Variants in ETV3 observed in about 807,000 individuals in gnomAD.
ETV3 encodes the protein ETS variant transcription factor 3, also known as ETS translocation variant 3.
A neutral mutation model predicts 33.0 loss-of-function variants in ETV3; 8 were observed. The observed-to-expected ratio is 0.24, with a 90% confidence interval of 0.14 to 0.44. The LOEUF (loss-of-function observed/expected upper bound fraction) is 0.44. Among genes scored for constraint, ETV3 ranks in the 20% least tolerant of loss-of-function variants. The pLI, the probability that ETV3 is intolerant of heterozygous loss-of-function variation, is 1.00. For synonymous variants in ETV3, 222 were observed against 238.9 expected (o/e 0.93, Z 0.65); for missense variants, 473 against 652.3 (o/e 0.73, Z 2.99).
chr1:157,126,650 G>A (rs190970616), intron 4 of ETV3, among the ~76,000 whole-genome samples: 11 of 152,356 alleles, frequency 7.2e-5, no homozygotes, highest in Non-Finnish European at 1.3e-4. Flanking sequence ...ATTTCGAGAT[G>A]GGATATGGGG....
chr1:157,138,057 G>A (rs1358221785), intron 1 of ETV3, among the ~76,000 whole-genome samples: 1 of 152,176 alleles, frequency 6.6e-6, no homozygotes, highest in Admixed American at 6.5e-5. Context: ...GAACCTCCTT[G>A]CCATTCACCT....
chr1:157,136,471 T>C lies in ETV3; in HGVS notation c.-13-106A>G, dbSNP rs575390147. The C allele has an allele frequency of 3.1e-6, 3 of 982,042 alleles. No homozygotes were observed. In the East Asian group the frequency reaches 7.7e-5, roughly 25 times the overall value. 60.8% of individuals were successfully genotyped at this position (982,042 alleles called of 1,614,324 possible). A position where few individuals can be genotyped will look rare whatever the true frequency, so the allele number is the denominator to read the frequency against. ...CAAACTTCCTTTCCCCTGTTCTTCT[T>C]TCCGTATGCAACTCTCTTTCTTTCA... On this transcript the variant is annotated intron_variant, in intron 1 of 4. Coordinates refer to ENST00000368192, the MANE Select transcript of ETV3 (RefSeq NM_001145312.3).
At position 157,125,135 on chromosome 1, in the gene ETV3, A is replaced by G. The variant is rs1310519546; in HGVS notation, c.1245T>C (p.Ile415=). 6.5e-7 allele frequency: 1 copy of G among 1,549,886 alleles called. No individual in the cohort carries two copies. The highest frequency in any genetic ancestry group is 1.2e-5 in the South Asian group (1 of 83,838). The stretch of plus-strand genomic sequence containing the variant: ...CAAAGATGGTGCCTTTTTCCTCTTC[A>G]ATGGTCCTGCTTGGCACAGTGCCCT... ...QEEGTVPSRT[I]EEEKGTIFAR... is the part of the protein sequence containing the mutation. Residue 415 remains isoleucine, a synonymous_variant, in exon 5 of 5, where the codon ATT becomes ATC. Transcript: ENST00000368192. The surrounding 1 kb of genome is among the most constrained non-coding windows in gnomAD (Gnocchi z 4.0).
Position 157,134,201 on chromosome 1 carries a change from T to C in ETV3, c.311A>G (p.His104Arg). ...GGTAAATCTTTTCCCTTTTGTTTTA[T>C]GAAGGATCCTCTTGTTGTAATAGTA... is the stretch of plus-strand genomic sequence containing the variant. ...LRYYYNKRIL[H>R]KTKGKRFTYK... is the part of the protein sequence containing the mutation. Residue 104 changes from histidine to arginine, a missense_variant, in exon 4 of 5, where the codon CAT becomes CGT. Physicochemically the swap from His to Arg is conservative, Grantham distance 29. Coordinates refer to ENST00000368192, the MANE Select transcript of ETV3 (RefSeq NM_001145312.3). 1.9e-6 allele frequency: 3 copies of C among 1,613,700 alleles called. No homozygotes were observed. The highest frequency in any genetic ancestry group is 2.5e-6 in the Non-Finnish European group (3 of 1,179,818).
chr1:157,135,504 T>C lies in ETV3; in HGVS notation c.251A>G (p.Gln84Arg), dbSNP rs1171316915. 1 of 1,614,072 alleles carries C rather than the reference T, an allele frequency of 6.2e-7. No homozygotes were observed. Among genetic ancestry groups the C allele is most frequent in the Admixed American group, 1.7e-5 (1 of 60,020 alleles). ...CCGGCTCAGCTTGTCATAATTCATCTGTGGTTTGCATTTCCTGCGGCCCCA... is the reference window on the plus strand; with the variant it reads ...CCGGCTCAGCTTGTCATAATTCATCCGTGGTTTGCATTTCCTGCGGCCCCA... Reference protein sequence around the residue: ...RLWGRRKCKPQMNYDKLSRAL... With the variant: ...RLWGRRKCKPRMNYDKLSRAL... Residue 84 changes from glutamine to arginine, a missense_variant, in exon 3 of 5, where the codon CAG becomes CGG. By Grantham distance (43) the Gln-to-Arg change is conservative. Around this residue, in one of 3 missense-constraint regions of ETV3, gnomAD observed 30 missense variants for 94.9 expected, o/e 0.32. Transcript: ENST00000368192.
Position 157,125,071 on chromosome 1 carries a change from T to G in ETV3, c.1309A>C (p.Ile437Leu). Residue 437 changes from isoleucine to leucine, a missense_variant, in exon 5 of 5, where the codon ATT becomes CTT. Physicochemically the swap from Ile to Leu is conservative, Grantham distance 5. This residue lies in a region of ETV3 where 410 missense variants were observed against 520.2 expected (regional missense o/e 0.79). Transcript: ENST00000368192. The surrounding 1 kb of genome is among the most constrained non-coding windows in gnomAD (Gnocchi z 4.0). The stretch of plus-strand genomic sequence containing the variant: ...AGAGGTTCTCCACTTGGGGTGCTAA[T>G]GGGCACAGAGGGCCAGATGGGTGGT... Reference protein sequence around the residue: ...AAPPIWPSVPISTPSGEPLEV... With the variant: ...AAPPIWPSVPLSTPSGEPLEV... 2 of 1,548,064 alleles carry G rather than the reference T, an allele frequency of 1.3e-6. No individual in the cohort carries two copies. The highest frequency in any genetic ancestry group is 1.7e-6 in the Non-Finnish European group (2 of 1,145,064).
chr1:157,131,719 C>T (rs1674972878), intron 4 of ETV3, among the ~76,000 whole-genome samples: 2 of 152,248 alleles, frequency 1.3e-5, no homozygotes, highest in African/African-American at 4.8e-5. Flanking sequence ...ACATTCACTT[C>T]ACTGGGCTGA....
chr1:157,136,478 T>C, intron 1 of ETV3, 113 bp from the exon 2 acceptor site: 1 of 906,352 alleles, frequency 1.1e-6, no homozygotes, highest in Non-Finnish European at 1.7e-6. Context: ...TCTTTCCGTA[T>C]GCAACTCTCT....
chr1:157,132,865 A>AAGT (rs1434403977), intron 4 of ETV3, among the ~76,000 whole-genome samples: 1 of 152,148 alleles, frequency 6.6e-6, no homozygotes. Context: ...GTTGTGTAGT[A>AAGT]ATTACATATC....
chr1:157,129,216 T>C (rs1260368013), intron 4 of ETV3, among the ~76,000 whole-genome samples: 3 of 152,252 alleles, frequency 2.0e-5, no homozygotes, highest in African/African-American at 4.8e-5. Flanking sequence ...CTTTTACTTA[T>C]TGAAAGGCAT....
intron 4 of ETV3, among the ~76,000 whole-genome samples, chr1:157,129,419 A>G (rs1674920062): frequency 6.6e-6 from 1 of 152,244 alleles, no homozygotes; most frequent in Admixed American, 6.5e-5. Context: ...ACACTGTAGA[A>G]CTGCTGTGTA....
intron 4 of ETV3, among the ~76,000 whole-genome samples, chr1:157,129,181 T>C (rs189149173): frequency 6.1e-4 from 93 of 152,374 alleles, no homozygotes; most frequent in African/African-American, 2.2e-3. Flanking sequence ...CCAATTTAAT[T>C]AGAAATCTGT....
intron 4 of ETV3, 143 bp downstream of exon 4, chr1:157,133,969 G>C: frequency 1.4e-6 from 2 of 1,455,790 alleles, no homozygotes; most frequent in Non-Finnish European, 1.8e-6. Flanking sequence ...GATGACTTGA[G>C]TAAGAACATT....
intron 3 of ETV3, 139 bp downstream of exon 3, chr1:157,135,332 A>G: frequency 1.9e-6 from 2 of 1,026,698 alleles, no homozygotes; most frequent in East Asian, 2.5e-5. Context: ...CAGCTCTTCT[A>G]CTCCCACTTT....
chr1:157,127,181 GA>G (rs1298321538), intron 4 of ETV3, among the ~76,000 whole-genome samples: 1 of 152,246 alleles, frequency 6.6e-6, no homozygotes, highest in Non-Finnish European at 1.5e-5. Flanking sequence ...GACATGCATG[GA>G]AAGTAATGCA....
chr1:157,135,265 T>A, intron 3 of ETV3: 1 of 648,920 alleles, frequency 1.5e-6, no homozygotes, highest in Non-Finnish European at 2.6e-6. Context: ...AATCCCCTCC[T>A]ACGTATAACC....
At chr1:157,138,136 G>A (rs988449452) in intron 1 of ETV3, among the ~76,000 whole-genome samples, 180 bp downstream of exon 1, 1 of 152,174 alleles carries the variant, frequency 6.6e-6, no homozygotes, top group Non-Finnish European at 1.5e-5. Flanking sequence ...GCTGCCCTGG[G>A]TCCCTGTCGC....
rs540027756 is a variant in ETV3 at position 157,125,106 on chromosome 1, C to A, written c.1274G>T (p.Arg425Leu). 6.5e-7 allele frequency: 1 copy of A among 1,544,956 alleles called. No homozygotes were observed. The highest frequency in any genetic ancestry group is 2.0e-5 in the Admixed American group (1 of 50,582). The change falls in exon 5 of 5, where the codon CGT becomes CTT. Residue 425 changes from arginine (R) to leucine (L), a missense_variant. This residue lies in a region of ETV3 where 410 missense variants were observed against 520.2 expected (regional missense o/e 0.79). Coordinates refer to ENST00000368192, the MANE Select transcript of ETV3 (RefSeq NM_001145312.3). The surrounding 1 kb of genome is among the most constrained non-coding windows in gnomAD (Gnocchi z 4.0). ...GGGCCAGATGGGTGGTGCAGCAGGA[C>A]GGGCAAAGATGGTGCCTTTTTCCTC... ...IEEEKGTIFA[R>L]PAAPPIWPSV...
intron 4 of ETV3, among the ~76,000 whole-genome samples, chr1:157,127,816 G>A (rs1674876308): frequency 6.6e-6 from 1 of 152,088 alleles, no homozygotes; most frequent in South Asian, 2.1e-4. Context: ...CAAAGTGCTG[G>A]GATTACAGGT....
Sources: allele counts gnomAD v4.1 joint callset (sites outside exome capture counted in the v4.1 genomes callset), GRCh38; gene constraint gnomAD v4.1.1; regional missense constraint gnomAD v4.1.1; non-coding constraint Gnocchi (gnomAD v3.1); transcripts MANE v1.5; gene names NCBI Gene and HGNC (gene_info 2026-07-23, HGNC 2026-07-21).